Variants in LHX3 observed in about 807,000 individuals in gnomAD.
LHX3 encodes the protein LIM/homeobox protein Lhx3.
A neutral mutation model predicts 32.4 loss-of-function variants in LHX3; 21 were observed. The ratio of observed to expected loss-of-function variants is 0.65; its 90% CI spans 0.46 to 0.93. LHX3 has a LOEUF of 0.93. LHX3 is among the 40% of genes least tolerant of loss of function. LHX3 has a pLI of 0.00. For synonymous variants in LHX3, 258 were observed against 246.8 expected (o/e 1.05, Z -0.43); for missense variants, 626 against 560.0 (o/e 1.12, Z -1.19).
rs904392216 is a variant in LHX3, at chr9:136,198,655, G to A, written c.772C>T (p.Pro258Ser). 69 of 1,594,170 alleles carry A rather than the reference G, an allele frequency of 4.3e-5. No individual in the cohort carries two copies. Among genetic ancestry groups the A allele is most frequent in the African/African-American group, 8.0e-5 (6 of 74,620 alleles). ...GQDSDAEVSF[P>S]DEPSLAEMGP... Reference sequence around the variant, plus strand: ...GCTCCGCGATCCCTCCGCCTACCGGGGAAGGAGACCTCAGCGTCGCTGTCC... The same window carrying A: ...GCTCCGCGATCCCTCCGCCTACCGGAGAAGGAGACCTCAGCGTCGCTGTCC... The change falls in exon 5 of 6, where the codon CCC becomes TCC. Residue 258 changes from proline (P) to serine (S), a missense_variant. Transcript: ENST00000371748.
At chr9:136,201,434 C>A (rs1271229880) in intron 1 of LHX3, 8 of 1,227,822 alleles carry the variant, frequency 6.5e-6, no homozygotes, top group Non-Finnish European at 8.1e-6. Flanking sequence ...TTCTGCCCCC[C>A]ACACCCCACT....
At chr9:136,200,215 C>A in intron 2 of LHX3, 1 of 557,556 alleles carries the variant, frequency 1.8e-6, no homozygotes. Flanking sequence ...TGGGCCAGAG[C>A]CGCTGGGTGC....
intron 1 of LHX3, chr9:136,203,026 C>T: frequency 1.3e-6 from 2 of 1,521,298 alleles, no homozygotes; most frequent in Non-Finnish European, 1.8e-6. Flanking sequence ...GCCCAGCTCC[C>T]CGCGCGCCTC....
intron 2 of LHX3, chr9:136,200,347 T>C (rs1281330274): frequency 1.2e-5 from 7 of 591,582 alleles, no homozygotes; most frequent in Non-Finnish European, 1.8e-5. Context: ...TGCTTTTTTT[T>C]CCAAATAATA....
chr9:136,200,458 G>T, intron 2 of LHX3, 124 bp downstream of exon 2: 2 of 1,120,676 alleles, frequency 1.8e-6, no homozygotes, highest in South Asian at 1.3e-5. Flanking sequence ...CTGGGTGACA[G>T]GAGTGGGCTG....
At chr9:136,202,129 C>T (rs1831654870) in intron 1 of LHX3, among the ~76,000 whole-genome samples, 2 of 152,146 alleles carry the variant, frequency 1.3e-5, no homozygotes, top group African/African-American at 4.8e-5. Context: ...CGAGCGCGGG[C>T]GCGCAGTCCT....
intron 1 of LHX3, among the ~76,000 whole-genome samples, chr9:136,202,057 T>C (rs1254299847): frequency 6.6e-6 from 1 of 151,994 alleles, no homozygotes; most frequent in Non-Finnish European, 1.5e-5. Context: ...GGGGCTCCTG[T>C]GTCAGGGATG....
intron 2 of LHX3, chr9:136,200,352 A>G (rs1391951502): frequency 1.7e-6 from 1 of 596,124 alleles, no homozygotes; most frequent in Non-Finnish European, 3.0e-6. Context: ...TTTTTTCCAA[A>G]TAATACTTGC....
Position 136,197,473 on chromosome 9 carries a change from G to A in LHX3, c.1046C>T (p.Ser349Leu), listed in dbSNP as rs776763869. Reference protein sequence around the residue: ...YPDTSLGLVPSGAPGGPPPMR... With the variant: ...YPDTSLGLVPLGAPGGPPPMR... ...GGGTGGGGGCCCGCCGGGGGCTCCC[G>A]AGGGCACAAGGCCCAAGCTGGTGTC... Residue 349 changes from serine (S) to leucine (L), a missense_variant, in exon 6 of 6, where the codon TCG (serine) becomes TTG (leucine). By Grantham distance (145) the Ser-to-Leu change is moderately radical. Coordinates refer to ENST00000371748, the MANE Select transcript of LHX3 (RefSeq NM_178138.6). The A allele has an allele frequency of 8.3e-6, 13 of 1,569,546 alleles. No homozygotes were observed. The highest frequency in any genetic ancestry group is 4.7e-5 in the East Asian group (2 of 42,246).
At chr9:136,201,389 C>T (rs1831636610) in intron 1 of LHX3, 5 of 1,234,972 alleles carry the variant, frequency 4.0e-6, no homozygotes, top group Non-Finnish European at 5.1e-6. Flanking sequence ...CCCCCAACAC[C>T]GTCAGAGTTA....
intron 2 of LHX3, 52 bp downstream of exon 2, chr9:136,200,530 T>A: frequency 6.3e-7 from 1 of 1,584,926 alleles, no homozygotes; most frequent in Non-Finnish European, 8.6e-7. Context: ...GAGGAGTCCC[T>A]GGGGCAGGCG....
chr9:136,197,498 C>G lies in LHX3; in HGVS notation c.1021G>C (p.Asp341His). 1 of 1,550,902 alleles carries G rather than the reference C, an allele frequency of 6.4e-7. No homozygotes were observed. The highest frequency in any genetic ancestry group is 8.7e-7 in the Non-Finnish European group (1 of 1,146,630). The change falls in exon 6 of 6, where the codon GAC becomes CAC. Residue 341 changes from aspartate (D) to histidine (H), a missense_variant. Coordinates refer to ENST00000371748, the MANE Select transcript of LHX3 (RefSeq NM_178138.6). ...QPLLSSLVYP[D>H]TSLGLVPSGA... ...GAGGGCACAAGGCCCAAGCTGGTGT[C>G]TGGGTACACCAGGCTGGAGAGGAGG...
chr9:136,204,965 G>T lies in LHX3; in HGVS notation c.48C>A (p.Ala16=). 1 of 1,599,012 alleles carries T rather than the reference G, an allele frequency of 6.3e-7. No homozygotes were observed. Among genetic ancestry groups the T allele is most frequent in the East Asian group, 2.2e-5 (1 of 44,512 alleles). Residue 16 remains alanine (A), a synonymous_variant, in exon 1 of 6, where the codon GCC becomes GCA. Transcript: ENST00000371748. ...TCCCGCCCAAGGTGCAGACGGCGGC[G>T]GCCCCGGGCCTCGCTCGGTCGCGCT... is the stretch of plus-strand genomic sequence containing the variant. ...GLERDRARPG[A]AAVCTLGGTR...
chr9:136,200,644 C>T lies in LHX3; in HGVS notation c.189G>A (p.Thr63=), dbSNP rs1831617983. ...SKCLKCSDCH[T]PLAERCFSRG... Reference sequence around the variant, plus strand: ...GGCTGAAGCAGCGCTCGGCCAGTGGCGTGTGGCAGTCGCTGCACTTGAGAC... The same window carrying T: ...GGCTGAAGCAGCGCTCGGCCAGTGGTGTGTGGCAGTCGCTGCACTTGAGAC... The change falls in exon 2 of 6, where the codon ACG becomes ACA. Residue 63 remains threonine, a synonymous_variant. Transcript: ENST00000371748. The T allele has an allele frequency of 8.1e-6, 13 of 1,613,500 alleles. No individual in the cohort carries two copies. Among genetic ancestry groups the T allele is most frequent in the South Asian group, 1.1e-5 (1 of 91,090 alleles).
rs1339667368 is a variant in LHX3, at chr9:136,199,578, G to A, written c.454+100C>T. 5.3e-6 allele frequency: 7 copies of A among 1,311,938 alleles called. No homozygotes were observed. In the East Asian group the frequency reaches 1.4e-4, roughly 27 times the overall value. The allele number at this position is 1,311,938 out of a possible 1,614,324, so 81.3% of individuals were successfully genotyped here. On this transcript the variant is annotated intron_variant, in intron 3 of 5. Coordinates refer to ENST00000371748, the MANE Select transcript of LHX3 (RefSeq NM_178138.6). ...GCCCTAGCCCAGGCCCCCTTAGTGA[G>A]CGCTTGGGGAGAGAATTTCCCCGGA...
At chr9:136,200,782 C>T (rs974914913) in intron 1 of LHX3, 29 bp from the exon 2 acceptor site, 32 of 1,612,430 alleles carry the variant, frequency 2.0e-5, no homozygotes, top group Non-Finnish European at 2.6e-5. Context: ...TCTGGGTCAC[C>T]TCGTAGACCA....
chr9:136,204,622 T>A (rs1452762722), intron 1 of LHX3, among the ~76,000 whole-genome samples: 1 of 152,166 alleles, frequency 6.6e-6, no homozygotes, highest in African/African-American at 2.4e-5. Context: ...GTGCAAGAGC[T>A]GACGGGCACT....
At chr9:136,197,909 G>A (rs1831537797) in intron 5 of LHX3, among the ~76,000 whole-genome samples, 166 bp from the exon 6 acceptor site, 1 of 152,140 alleles carries the variant, frequency 6.6e-6, no homozygotes, top group Non-Finnish European at 1.5e-5. Flanking sequence ...GGCTGCCCCT[G>A]CCCCTCCACT....
chr9:136,204,679 C>A (rs146538979), intron 1 of LHX3, among the ~76,000 whole-genome samples: 4 of 152,192 alleles, frequency 2.6e-5, no homozygotes, highest in Non-Finnish European at 5.9e-5. Context: ...CATCGCCCCC[C>A]AGCTGTGCCT....
Sources: gnomAD v4.1 joint callset for allele counts (sites outside exome capture counted in the v4.1 genomes callset) on GRCh38, gnomAD v4.1.1 for gene constraint, MANE v1.5 for transcripts, NCBI Gene and HGNC (gene_info 2026-07-23, HGNC 2026-07-21) for gene names.